Variants in ADAMTSL1 observed in about 807,000 individuals in gnomAD.
ADAMTSL1 encodes the protein ADAMTS like 1.
ADAMTSL1 carries 126 observed loss-of-function variants against 201.8 expected under a neutral mutation model. The observed-to-expected ratio is 0.62, with a 90% confidence interval of 0.54 to 0.72. The LOEUF (loss-of-function observed/expected upper bound fraction) is 0.72. ADAMTSL1 is among the 30% of genes least tolerant of loss of function. The probability of loss-of-function intolerance (pLI) is 0.00; values close to 1 mark genes in which losing one functional copy is unlikely to be tolerated. For missense variants in ADAMTSL1, 2,679 were observed against 2,277.8 expected, an observed-to-expected ratio of 1.18 and a Z score of -3.59; for synonymous variants, 1,121 against 903.4, an observed-to-expected ratio of 1.24 and a Z score of -4.32.
chr9:18,007,430 G>C (rs1819872898), intron 1 of ADAMTSL1, among the ~76,000 whole-genome samples: 1 of 151,936 alleles, frequency 6.6e-6, no homozygotes, highest in African/African-American at 2.4e-5. Flanking sequence ...CATATCATTA[G>C]CCAGCTACAT....
At chr9:18,102,307 G>A (rs183177571) in intron 1 of ADAMTSL1, among the ~76,000 whole-genome samples, 6 of 151,924 alleles carry the variant, frequency 3.9e-5, no homozygotes, top group African/African-American at 1.4e-4. Flanking sequence ...TAAAGTGTTT[G>A]TCTATGTGCT....
intron 1 of ADAMTSL1, among the ~76,000 whole-genome samples, chr9:18,064,592 C>G (rs1014414971): frequency 6.6e-6 from 1 of 152,046 alleles, no homozygotes; most frequent in African/African-American, 2.4e-5. Flanking sequence ...CTTCTCTCTC[C>G]TTTTTATATG....
At chr9:18,719,474 C>A (rs748938693) in intron 14 of ADAMTSL1, among the ~76,000 whole-genome samples, 2 of 152,164 alleles carry the variant, frequency 1.3e-5, no homozygotes, top group Non-Finnish European at 2.9e-5. Flanking sequence ...CAGCAATTCT[C>A]CTACCTCAGT....
intron 2 of ADAMTSL1, among the ~76,000 whole-genome samples, chr9:18,347,995 G>A (rs1220107102): frequency 6.6e-6 from 1 of 152,152 alleles, no homozygotes; most frequent in Admixed American, 6.6e-5. Flanking sequence ...AAGAAGAAAG[G>A]AAAGCATTGA....
rs112886805 is a variant in ADAMTSL1, at chr9:18,127,481, AACACACAC to A, written c.88-36347_88-36340del. Among the ~76,000 whole-genome samples the A allele has an allele frequency of 4.2e-3, 612 of 145,848 alleles. 3 individuals carry two copies. Among genetic ancestry groups the A allele is most frequent in the East Asian group, 9.8e-3 (47 of 4,810 alleles). Reference sequence around the variant, plus strand: ...GTGGTGCATGCATAGGCACATACACAACACACACACACACACACACACACACACACACA... The same window carrying A: ...GTGGTGCATGCATAGGCACATACACAACACACACACACACACACACACACA... On this transcript the variant is annotated intron_variant, in intron 1 of 29. Coordinates refer to the ADAMTSL1 transcript ENST00000680146.
chr9:18,720,019 A>G (rs1364161034), intron 14 of ADAMTSL1, among the ~76,000 whole-genome samples: 1 of 152,248 alleles, frequency 6.6e-6, no homozygotes, highest in Non-Finnish European at 1.5e-5. Context: ...ATAGATAGGT[A>G]TCTTTAAATG....
intron 8 of ADAMTSL1, among the ~76,000 whole-genome samples, chr9:18,661,392 C>G (rs1693265812): frequency 6.6e-6 from 1 of 152,150 alleles, no homozygotes; most frequent in African/African-American, 2.4e-5. Flanking sequence ...GGTACATTTA[C>G]TCAACCCACT....
intron 23 of ADAMTSL1, among the ~76,000 whole-genome samples, chr9:18,866,451 G>C (rs1288761118): frequency 6.6e-6 from 1 of 152,212 alleles, no homozygotes; most frequent in African/African-American, 2.4e-5. Context: ...TTGAAAAACA[G>C]ATTAGTGACA....
At chr9:18,541,902 G>C (rs1820173799) in intron 3 of ADAMTSL1, among the ~76,000 whole-genome samples, 1 of 152,216 alleles carries the variant, frequency 6.6e-6, no homozygotes, top group Non-Finnish European at 1.5e-5. Context: ...ACAAACCTGT[G>C]AGTTCTTCCA....
intron 15 of ADAMTSL1, among the ~76,000 whole-genome samples, chr9:18,736,461 A>C (rs111519085): frequency 2.0e-5 from 3 of 152,330 alleles, no homozygotes; most frequent in African/African-American, 7.2e-5. Flanking sequence ...TCTTTAACTT[A>C]ATAGAAGTTG....
rs116026559 is a variant in ADAMTSL1 at position 18,809,492 on chromosome 9, A to G, written c.3806-7617A>G. Among the ~76,000 whole-genome samples, 934 of 152,316 alleles carry G rather than the reference A, an allele frequency of 6.1e-3. 12 individuals carry two copies. Among genetic ancestry groups the G allele is most frequent in the African/African-American group, 0.019 (795 of 41,576 alleles). On this transcript the variant is annotated intron_variant, in intron 20 of 28. Transcript: ENST00000380548. The stretch of plus-strand genomic sequence containing the variant: ...CTTAATGTACAAGGGACGGTTGGTC[A>G]TGAAAAGGAGCTTGAGGCCGGGCAT...
upstream of ADAMTSL1, chr9:18,473,937 C>A: frequency 2.6e-6 from 1 of 390,330 alleles, no homozygotes; most frequent in East Asian, 4.1e-5. Context: ...CTTTTTCGTC[C>A]TTTTCCCCCT....
At chr9:18,648,899 G>T (rs546878142) in intron 7 of ADAMTSL1, among the ~76,000 whole-genome samples, 2,507 of 152,158 alleles carry the variant, frequency 0.016, 55 homozygotes, top group African/African-American at 0.051. Context: ...TACCTTTGTG[G>T]TGTTCTCTGT....
At position 18,885,668 on chromosome 9, in the gene ADAMTSL1, A is replaced by G. The variant is rs560504601; in HGVS notation, c.4250-2163A>G. 2.0e-5 allele frequency among the ~76,000 whole-genome samples: 3 copies of G among 152,274 alleles called. No homozygotes were observed. In the East Asian group the frequency reaches 5.8e-4, roughly 29 times the overall value. ...TCCCATACTGAGCTTCCAGGGGTCC[A>G]TTTTTAGGTTATCTTTTTAGAACCC... On this transcript the variant is annotated intron_variant, in intron 23 of 28. Coordinates refer to ENST00000380548, the MANE Select transcript of ADAMTSL1 (RefSeq NM_001040272.6).
At chr9:18,038,274 C>G (rs148091002) in intron 1 of ADAMTSL1, among the ~76,000 whole-genome samples, 5 of 152,220 alleles carry the variant, frequency 3.3e-5, no homozygotes, top group Non-Finnish European at 5.9e-5. Flanking sequence ...TTCCAAGTGG[C>G]ATTTTTGGCT....
At chr9:18,305,353 C>A (rs1386968837) in intron 2 of ADAMTSL1, among the ~76,000 whole-genome samples, 3 of 152,172 alleles carry the variant, frequency 2.0e-5, no homozygotes, top group African/African-American at 4.8e-5. Flanking sequence ...ACCAGTGAGA[C>A]AGAATCGTTC....
At chr9:18,068,187 A>G (rs1179071130) in intron 1 of ADAMTSL1, among the ~76,000 whole-genome samples, 2 of 152,148 alleles carry the variant, frequency 1.3e-5, no homozygotes, top group African/African-American at 4.8e-5. Context: ...GTTTATTAAG[A>G]TAGCAGCTCT....
At chr9:18,616,439 A>G (rs1033547171) in intron 4 of ADAMTSL1, among the ~76,000 whole-genome samples, 30 of 152,214 alleles carry the variant, frequency 2.0e-4, no homozygotes, top group Admixed American at 1.7e-3. Flanking sequence ...GGACATTGTT[A>G]TATGACATTG....
chr9:17,951,485 C>T (rs115863073), intron 1 of ADAMTSL1, among the ~76,000 whole-genome samples: 263 of 152,208 alleles, frequency 1.7e-3, no homozygotes, highest in African/African-American at 5.9e-3. Flanking sequence ...CTATTTTTGC[C>T]AAAATGGTGA....
Sources: allele counts gnomAD v4.1 joint callset (sites outside exome capture counted in the v4.1 genomes callset), GRCh38; gene constraint gnomAD v4.1.1; transcripts MANE v1.5; gene names NCBI Gene and HGNC (gene_info 2026-07-23, HGNC 2026-07-21).